Variants in ZNF18 observed in about 807,000 individuals in gnomAD.
The protein encoded by ZNF18 is zinc finger protein 18.
In ZNF18, 42 loss-of-function variants were observed where a neutral mutation model predicts 58.1. That is an observed-to-expected ratio of 0.72 (90% CI 0.56 to 0.93). The LOEUF (loss-of-function observed/expected upper bound fraction) is 0.93, where lower values mean the gene tolerates loss of function less well. ZNF18 is among the 40% of genes least tolerant of loss of function. The pLI, the probability that ZNF18 is intolerant of heterozygous loss-of-function variation, is 0.00. For missense variants in ZNF18, 540 were observed against 644.2 expected (o/e 0.84, Z 1.75); for synonymous variants, 231 against 239.8 (o/e 0.96, Z 0.34).
the ZNF18 span, among the ~76,000 whole-genome samples, chr17:12,019,229 G>C: frequency 1.3e-5 from 2 of 151,842 alleles, no homozygotes; most frequent in African/African-American, 4.8e-5. Flanking sequence ...CTCCCAAAGT[G>C]CTGGGATTAC....
At chr17:12,004,610 G>A in the ZNF18 span, among the ~76,000 whole-genome samples, 3 of 152,158 alleles carry the variant, frequency 2.0e-5, no homozygotes, top group Middle Eastern at 3.4e-3. Context: ...GTTTATGGCC[G>A]GGCACGGTGG....
At chr17:11,988,206 A>T (rs1367795187) in intron 4 of ZNF18, among the ~76,000 whole-genome samples, 3 of 152,216 alleles carry the variant, frequency 2.0e-5, no homozygotes, top group Non-Finnish European at 4.4e-5. Flanking sequence ...ACAACTAAAA[A>T]TGGGACAAAA....
At position 11,988,507 on chromosome 17, in the gene ZNF18, G is replaced by A. The variant is rs9897064; in HGVS notation, c.666+1955C>T. 2.1e-3 allele frequency among the ~76,000 whole-genome samples: 323 copies of A among 152,266 alleles called. 2 individuals carry two copies. Among genetic ancestry groups the A allele is most frequent in the African/African-American group, 7.2e-3 (298 of 41,550 alleles). On this transcript the variant is annotated intron_variant, in intron 4 of 6. Transcript: ENST00000580306. ...AGAAAGCTCCAGAGATCTACAGAGC[G>A]TCCCCGCAAAGTCTGGAAAATAACC...
the ZNF18 span, among the ~76,000 whole-genome samples, chr17:12,015,643 A>G: frequency 1.3e-5 from 2 of 152,196 alleles, no homozygotes; most frequent in African/African-American, 4.8e-5. Context: ...TTAACATTTT[A>G]TTATGCTTGT....
the ZNF18 span, among the ~76,000 whole-genome samples, chr17:12,003,679 G>T: frequency 3.3e-5 from 5 of 152,270 alleles, no homozygotes; most frequent in East Asian, 9.7e-4. Context: ...GGATTTCAAT[G>T]ACTAACTCCC....
chr17:11,984,070 C>T (rs1967555066), intron 5 of ZNF18, 43 bp downstream of exon 5: 2 of 1,558,566 alleles, frequency 1.3e-6, no homozygotes, highest in African/African-American at 1.4e-5. Flanking sequence ...CACAGTTTTC[C>T]AGTCCTTCTA....
upstream of ZNF18, among the ~76,000 whole-genome samples, chr17:12,001,990 C>A (rs1281315898): frequency 6.6e-6 from 1 of 150,876 alleles, no homozygotes. Context: ...AAAGTAAAAG[C>A]AATAGAGCAA....
At chr17:12,004,472 C>T in the ZNF18 span, among the ~76,000 whole-genome samples, 1 of 152,114 alleles carries the variant, frequency 6.6e-6, no homozygotes, top group Non-Finnish European at 1.5e-5. Flanking sequence ...AATAAAATAG[C>T]ATAGTTACAC....
the ZNF18 span, among the ~76,000 whole-genome samples, chr17:12,015,263 A>G: frequency 6.6e-6 from 1 of 152,166 alleles, no homozygotes; most frequent in Non-Finnish European, 1.5e-5. Context: ...TTAGCCAGAG[A>G]TGCTTGTTGT....
intron 1 of ZNF18, 46 bp from the exon 2 acceptor site, chr17:11,992,957 AT>A: frequency 8.7e-7 from 1 of 1,147,606 alleles, no homozygotes; most frequent in Non-Finnish European, 1.2e-6. Flanking sequence ...AAGGGGACAC[AT>A]TTTCAGAAAG....
chr17:11,979,049 A>G (rs1967178109), intron 6 of ZNF18, among the ~76,000 whole-genome samples: 2 of 151,552 alleles, frequency 1.3e-5, no homozygotes, highest in Non-Finnish European at 1.5e-5. Flanking sequence ...AGGACCAGGA[A>G]AAAAACAAGT....
chr17:12,015,272 G>T, the ZNF18 span, among the ~76,000 whole-genome samples: 1 of 152,156 alleles, frequency 6.6e-6, no homozygotes, highest in Non-Finnish European at 1.5e-5. Context: ...GATGCTTGTT[G>T]TGGTCTCACA....
At chr17:12,018,074 C>T in the ZNF18 span, among the ~76,000 whole-genome samples, 1 of 152,100 alleles carries the variant, frequency 6.6e-6, no homozygotes, top group Non-Finnish European at 1.5e-5. Flanking sequence ...TTGTTATTTT[C>T]ATCTACTCTA....
At chr17:12,017,526 C>T in the ZNF18 span, among the ~76,000 whole-genome samples, 1 of 152,214 alleles carries the variant, frequency 6.6e-6, no homozygotes, top group African/African-American at 2.4e-5. Flanking sequence ...AAATTGGGGT[C>T]CTAAGGTGAA....
chr17:11,994,922 G>C (rs926370659), intron 1 of ZNF18, among the ~76,000 whole-genome samples: 1 of 152,174 alleles, frequency 6.6e-6, no homozygotes, highest in Non-Finnish European at 1.5e-5. Context: ...CCATAAAGGT[G>C]GTCACCTTCA....
Position 11,978,545 on chromosome 17 carries a change from TC to T in ZNF18, c.1061del (p.Gly354GlufsTer17), listed in dbSNP as rs759050186. 6.2e-7 allele frequency: 1 copy of T among 1,613,004 alleles called. No homozygotes were observed. ...CTTGAGGAGACAGCTGTTCCCCTGTTCCCTCATCCTGAATGTTTTGCAGAGC... is the reference window on the plus strand; with the variant it reads ...CTTGAGGAGACAGCTGTTCCCCTGTTCCTCATCCTGAATGTTTTGCAGAGC... ...PEALQNIQDE[G>X]TGEQLSPQER... On this transcript the variant is annotated frameshift_variant, in exon 7 of 7. Coordinates refer to ENST00000580306, the MANE Select transcript of ZNF18 (RefSeq NM_001303281.2). LOFTEE classifies it high-confidence loss of function.
At chr17:12,005,399 A>C in the ZNF18 span, among the ~76,000 whole-genome samples, 1 of 152,184 alleles carries the variant, frequency 6.6e-6, no homozygotes, top group African/African-American at 2.4e-5. Context: ...CATCGGTAAA[A>C]ATTATGAAAA....
At chr17:12,011,130 C>T in the ZNF18 span, 77 of 628,942 alleles carry the variant, frequency 1.2e-4, no homozygotes, top group Admixed American at 4.1e-4. Context: ...CTTCTAGATT[C>T]GCCTGTGCAC....
intron 6 of ZNF18, among the ~76,000 whole-genome samples, chr17:11,979,128 CT>C (rs1284179877): frequency 7.4e-6 from 1 of 135,500 alleles, no homozygotes; most frequent in Non-Finnish European, 1.7e-5. Flanking sequence ...AATATGGTAA[CT>C]AAAAAAAAAA....
Sources: allele counts gnomAD v4.1 joint callset (sites outside exome capture counted in the v4.1 genomes callset), GRCh38; gene constraint gnomAD v4.1.1; transcripts MANE v1.5; gene names NCBI Gene and HGNC (gene_info 2026-07-23, HGNC 2026-07-21).